CDH2: variants seen among roughly 807,000 people sequenced by gnomAD.
The protein encoded by CDH2 is cadherin 2.
A neutral mutation model predicts 92.0 loss-of-function variants in CDH2; 17 were observed. The observed-to-expected ratio is 0.18, with a 90% CI of 0.13 to 0.28. The LOEUF is 0.28. Among genes scored for constraint, CDH2 ranks in the 10% least tolerant of loss-of-function variants. The pLI, the probability that CDH2 is intolerant of heterozygous loss-of-function variation, is 1.00. For missense variants in CDH2, 862 were observed against 1,133.1 expected, an observed-to-expected ratio of 0.76 and a Z score of 3.44; for synonymous variants, 419 against 415.9, an observed-to-expected ratio of 1.01 and a Z score of -0.09.
chr18:28,010,586 G>A (rs1216869299), intron 4 of CDH2, among the ~76,000 whole-genome samples: 3 of 152,060 alleles, frequency 2.0e-5, no homozygotes, highest in Non-Finnish European at 4.4e-5. Context: ...CTATGGAAGG[G>A]GACGAAGGGA....
At chr18:28,076,941 C>G (rs2014732192) in intron 2 of CDH2, among the ~76,000 whole-genome samples, 1 of 152,084 alleles carries the variant, frequency 6.6e-6, no homozygotes, top group Admixed American at 6.5e-5. Flanking sequence ...ATAGGAAATA[C>G]TCTATATAGT....
intron 2 of CDH2, among the ~76,000 whole-genome samples, chr18:28,108,521 C>G (rs1599106910): frequency 6.6e-6 from 1 of 152,280 alleles, no homozygotes; most frequent in East Asian, 1.9e-4. Flanking sequence ...AGCTTTTAAT[C>G]AAGCAGCTGC....
At chr18:28,064,750 C>T (rs974993991) in intron 2 of CDH2, among the ~76,000 whole-genome samples, 2 of 151,640 alleles carry the variant, frequency 1.3e-5, no homozygotes, top group South Asian at 4.2e-4. Context: ...AATAAATCAC[C>T]AATGTTACTG....
At chr18:28,041,937 T>C (rs894933358) in intron 2 of CDH2, among the ~76,000 whole-genome samples, 20 of 152,260 alleles carry the variant, frequency 1.3e-4, no homozygotes, top group Admixed American at 4.6e-4. Context: ...AACAAATTAA[T>C]GCCCAGCCCC....
At position 28,144,394 on chromosome 18, in the gene CDH2, C is replaced by T. The variant is rs1159258413; in HGVS notation, c.172+3279G>A. Among the ~76,000 whole-genome samples, 8 of 151,728 alleles carry T rather than the reference C, an allele frequency of 5.3e-5. No homozygotes were observed. In the South Asian group the frequency reaches 1.5e-3, roughly 28 times the overall value. ...TGATTTTTCACCAGAGGGGAAAGAG[C>T]AAAATGACAATATATTATGAAATTA... On this transcript the variant is annotated intron_variant, in intron 2 of 15. Coordinates refer to ENST00000269141, the MANE Select transcript of CDH2 (RefSeq NM_001792.5).
chr18:28,039,599 G>C (rs2013908988), intron 2 of CDH2, among the ~76,000 whole-genome samples: 1 of 152,026 alleles, frequency 6.6e-6, no homozygotes, highest in African/African-American at 2.4e-5. Context: ...ATAATGATAG[G>C]TTTCTAGCTC....
chr18:28,161,980 G>C (rs1404290586), intron 1 of CDH2, among the ~76,000 whole-genome samples: 1 of 152,152 alleles, frequency 6.6e-6, no homozygotes, highest in East Asian at 1.9e-4. Context: ...TCAAAGATGG[G>C]ATGCCAAGGG....
intron 1 of CDH2, among the ~76,000 whole-genome samples, chr18:28,172,075 G>C (rs2016472371): frequency 6.9e-6 from 1 of 145,442 alleles, no homozygotes; most frequent in Non-Finnish European, 1.5e-5. Flanking sequence ...CATACATTTG[G>C]GGTGTGTGTG....
chr18:28,045,121 C>T (rs1472875094), intron 2 of CDH2, among the ~76,000 whole-genome samples: 1 of 152,136 alleles, frequency 6.6e-6, no homozygotes, highest in Non-Finnish European at 1.5e-5. Flanking sequence ...GTACCTCAGC[C>T]GTTAAGTATG....
At chr18:28,140,384 C>G (rs1208503116) in intron 2 of CDH2, among the ~76,000 whole-genome samples, 2 of 151,914 alleles carry the variant, frequency 1.3e-5, no homozygotes, top group African/African-American at 4.8e-5. Flanking sequence ...GTACTATGGT[C>G]TGAATGGTTG....
At chr18:28,039,501 G>T (rs1599054972) in intron 2 of CDH2, among the ~76,000 whole-genome samples, 1 of 152,098 alleles carries the variant, frequency 6.6e-6, no homozygotes, top group East Asian at 1.9e-4. Flanking sequence ...AATTAATTAT[G>T]GCTCAGGGAG....
At chr18:28,085,313 T>A (rs2014905770) in intron 2 of CDH2, among the ~76,000 whole-genome samples, 1 of 151,960 alleles carries the variant, frequency 6.6e-6, no homozygotes, top group African/African-American at 2.4e-5. Flanking sequence ...ACACACACTC[T>A]CTCTATCTCC....
chr18:28,092,340 C>T (rs2015051380), intron 2 of CDH2, among the ~76,000 whole-genome samples: 1 of 151,962 alleles, frequency 6.6e-6, no homozygotes, highest in Non-Finnish European at 1.5e-5. Flanking sequence ...CTCACCTTAG[C>T]CTTTACTAAA....
At chr18:28,108,434 G>A (rs2015358012) in intron 2 of CDH2, among the ~76,000 whole-genome samples, 1 of 152,116 alleles carries the variant, frequency 6.6e-6, no homozygotes. Context: ...CATTTGTTGA[G>A]ATAGCAAATA....
At chr18:28,146,148 G>A (rs985314890) in intron 2 of CDH2, 1 of 152,076 alleles carries the variant, frequency 6.6e-6, no homozygotes, top group African/African-American at 2.4e-5. Flanking sequence ...GACACACCAT[G>A]TGTTTACTTT....
intron 6 of CDH2, among the ~76,000 whole-genome samples, chr18:28,003,844 A>G (rs990172287): frequency 2.6e-5 from 4 of 152,214 alleles, no homozygotes; most frequent in African/African-American, 9.7e-5. Context: ...AATTAGTTCA[A>G]ACTAGCTAGA....
chr18:27,965,677 G>A (rs959564062), intron 14 of CDH2, among the ~76,000 whole-genome samples: 1 of 152,134 alleles, frequency 6.6e-6, no homozygotes, highest in Non-Finnish European at 1.5e-5. Context: ...TGCAACAGAT[G>A]TGAAAGTCCT....
At chr18:28,004,956 C>T (rs889614168) in intron 6 of CDH2, among the ~76,000 whole-genome samples, 1 of 152,126 alleles carries the variant, frequency 6.6e-6, no homozygotes, top group Non-Finnish European at 1.5e-5. Context: ...AAGGGAGTTG[C>T]ATAAACTGGT....
At chr18:27,991,025 C>A (rs1473349908) in intron 9 of CDH2, among the ~76,000 whole-genome samples, 1 of 152,038 alleles carries the variant, frequency 6.6e-6, no homozygotes, top group Non-Finnish European at 1.5e-5. Flanking sequence ...GTCTGTAAAA[C>A]CCCCAAATTT....
Sources: gnomAD v4.1 joint callset for allele counts (sites outside exome capture counted in the v4.1 genomes callset) on GRCh38, gnomAD v4.1.1 for gene constraint, MANE v1.5 for transcripts, NCBI Gene and HGNC (gene_info 2026-07-23, HGNC 2026-07-21) for gene names.